Variants in RTEL1 observed in about 807,000 individuals in gnomAD.
RTEL1 encodes regulator of telomere elongation helicase 1.
Under a neutral mutation model 162.2 loss-of-function variants are expected in RTEL1, and 86 were observed. The ratio of observed to expected loss-of-function variants is 0.53; its 90% CI spans 0.45 to 0.63. The LOEUF (loss-of-function observed/expected upper bound fraction) is 0.63, where lower values mean the gene tolerates loss of function less well. Among genes scored for constraint, RTEL1 ranks in the 30% least tolerant of loss-of-function variants. The pLI is 0.00. For missense variants in RTEL1, 1,941 were observed against 1,750.2 expected, an observed-to-expected ratio of 1.11 and a Z score of -1.95; for synonymous variants, 958 against 717.9, an observed-to-expected ratio of 1.33 and a Z score of -5.35.
Position 63,685,539 on chromosome 20 carries a change from A to T in RTEL1, c.1208A>T (p.Asp403Val), listed in dbSNP as rs754847788. The T allele has an allele frequency of 1.2e-6, 2 of 1,611,856 alleles. No homozygotes were observed. Among genetic ancestry groups the T allele is most frequent in the East Asian group, 4.5e-5 (2 of 44,830 alleles). Residue 403 changes from aspartate to valine, a missense_variant, in exon 15 of 35, where the codon GAC (aspartate) becomes GTC (valine). Transcript: ENST00000360203. ...GCCTTTCAGATTGTGTTCAGTGTGG[A>T]CCCCTCCGAGGGCAGCCCTGGTTCC... ...ADIIQIVFSVDPSEGSPGSPA... is the reference protein window; with the variant it reads ...ADIIQIVFSVVPSEGSPGSPA...
chr20:63,689,681 C>T lies in RTEL1; in HGVS notation c.2025+33C>T, dbSNP rs754014049. The T allele has an allele frequency of 5.5e-5, 88 of 1,604,826 alleles. 1 individual carries two copies. In the East Asian group the frequency reaches 1.1e-3, roughly 20 times the overall value. On this transcript the variant is annotated intron_variant, in intron 23 of 34. Coordinates refer to ENST00000360203, the MANE Select transcript of RTEL1 (RefSeq NM_001283009.2). ...ACAGCAGGGTGGGGCTGGGGTAAGG[C>T]GGTCTGGTGACTGAGCCCCCGCCCC...
rs765790038 is a variant in RTEL1 at position 63,662,855 on chromosome 20, A to G, written c.504A>G (p.Ala168=). The G allele has an allele frequency of 6.2e-7, 1 of 1,613,970 alleles. No individual in the cohort carries two copies. Among genetic ancestry groups the G allele is most frequent in the Non-Finnish European group, 8.5e-7 (1 of 1,180,034 alleles). ...TCCACTTGTGCCGTAAGAAGGTGGC[A>G]AGTCGCTCCTGTCATTTCTACAACA... ...LQIHLCRKKV[A]SRSCHFYNNV... The change falls in exon 6 of 35, where the codon GCA becomes GCG. Residue 168 remains alanine, a synonymous_variant. Coordinates refer to ENST00000360203, the MANE Select transcript of RTEL1 (RefSeq NM_001283009.2).
chr20:63,694,520 G>A (rs376095003), intron 31 of RTEL1, 32 bp downstream of exon 31: 479 of 1,518,390 alleles, frequency 3.2e-4, no homozygotes, highest in Non-Finnish European at 3.6e-4. Flanking sequence ...TGCAGCCTAC[G>A]ACTTGGTGGG....
At chr20:63,672,702 G>A (rs1263021456) in intron 9 of RTEL1, 81 bp downstream of exon 9, 21 of 1,230,366 alleles carry the variant, frequency 1.7e-5, no homozygotes, top group Non-Finnish European at 2.5e-5. Flanking sequence ...TTCTGGAGGG[G>A]CTCTGGCCAA....
chr20:63,695,359 C>G lies in RTEL1; in HGVS notation c.3531C>G (p.Thr1177=). Reference sequence around the variant, plus strand: ...CACGGTCCGAGAAGACCGGGAAGACCCAGAGCAAGATCTCGTCCTTCCTTA... The same window carrying G: ...CACGGTCCGAGAAGACCGGGAAGACGCAGAGCAAGATCTCGTCCTTCCTTA... ...GPSRSEKTGK[T]QSKISSFLRQ... Residue 1177 remains threonine (T), a synonymous_variant, in exon 34 of 35, where the codon ACC becomes ACG. Transcript: ENST00000360203. The G allele has an allele frequency of 1.3e-6, 2 of 1,549,682 alleles. No individual in the cohort carries two copies. Among genetic ancestry groups the G allele is most frequent in the Non-Finnish European group, 1.7e-6 (2 of 1,147,912 alleles).
chr20:63,673,124 T>C (rs1265124488), intron 9 of RTEL1, among the ~76,000 whole-genome samples: 1 of 151,130 alleles, frequency 6.6e-6, no homozygotes. Context: ...CTGGGCGCGC[T>C]AGCTCATGCC....
rs1165873701 is a variant in RTEL1 at position 63,683,774 on chromosome 20, AACGGTCGTC to A, written c.1192-1745_1192-1737del. ...GGCCGTTTTTGGCTCGTTTTCCAGG[AACGGTCGTC>A]ACGCGCTCCTCTCCTAGTGCAGGCA... is the stretch of plus-strand genomic sequence containing the variant. On this transcript the variant is annotated intron_variant, in intron 14 of 34. Transcript: ENST00000360203. 2.6e-5 allele frequency among the ~76,000 whole-genome samples: 4 copies of A among 152,164 alleles called. No homozygotes were observed. In the South Asian group the frequency reaches 8.3e-4, roughly 32 times the overall value.
In RTEL1 at chr20:63,693,298, AG is replaced by A. The variant is rs2090812191; in HGVS notation, c.2992+17del. The A allele has an allele frequency of 1.2e-6, 2 of 1,611,080 alleles. No homozygotes were observed. Among genetic ancestry groups the A allele is most frequent in the Non-Finnish European group, 1.7e-6 (2 of 1,179,156 alleles). ...GGACCCCACTGGTAAATGGGGCCCC[AG>A]GTGGGACCCTCAGACTCCTGCGTGG... On this transcript the variant is annotated intron_variant, in intron 30 of 34. Coordinates refer to ENST00000360203, the MANE Select transcript of RTEL1 (RefSeq NM_001283009.2).
intron 26 of RTEL1, 62 bp downstream of exon 26, chr20:63,690,503 G>GGGGGGGGGGGGGGGGGGGGGGGGGGC: frequency 8.8e-6 from 9 of 1,028,406 alleles, no homozygotes; most frequent in East Asian, 7.8e-5. Context: ...CGTGGGGCGG[G>GGGGGGGGGGGGGGGGGGGGGGGGGGC]CAGCACCAGG....
At chr20:63,663,974 G>T (rs1171040003) in intron 6 of RTEL1, among the ~76,000 whole-genome samples, 1 of 152,206 alleles carries the variant, frequency 6.6e-6, no homozygotes, top group Non-Finnish European at 1.5e-5. Context: ...CCTGCAGGGA[G>T]GCTCCCGCTT....
Position 63,690,076 on chromosome 20 carries a change from C to T in RTEL1, c.2142-11C>T. ...TGTGGGCAGGGCAGCAGGGCTATGG[C>T]CACCCCCCAGGTTCGCCTTTGCCGA... On this transcript the variant is annotated splice_polypyrimidine_tract_variant and intron_variant, in intron 24 of 34. Coordinates refer to ENST00000360203, the MANE Select transcript of RTEL1 (RefSeq NM_001283009.2). The T allele has an allele frequency of 6.2e-7, 1 of 1,609,104 alleles. No homozygotes were observed.
chr20:63,690,725 C>T lies in RTEL1; in HGVS notation c.2414-80C>T, dbSNP rs567379868. The T allele has an allele frequency of 6.1e-6, 9 of 1,473,394 alleles. No individual in the cohort carries two copies. The East Asian group carries it at 2.2e-4, about 36-fold the overall frequency. The allele number at this position is 1,473,394 out of a possible 1,614,324, so 91.3% of individuals were successfully genotyped here. On this transcript the variant is annotated intron_variant, in intron 26 of 34. Coordinates refer to ENST00000360203, the MANE Select transcript of RTEL1 (RefSeq NM_001283009.2). The stretch of plus-strand genomic sequence containing the variant: ...GGACCCCAAGTGCTGGGACTCTCCC[C>T]CAAGAGGGGCTTTGCCACAGGCAGG...
At chr20:63,673,917 A>G in intron 9 of RTEL1, 23 bp from the exon 10 acceptor site, 2 of 1,597,812 alleles carry the variant, frequency 1.3e-6, no homozygotes, top group Non-Finnish European at 1.7e-6. Context: ...TTCTGTGGTG[A>G]TTCGGGTGTG....
chr20:63,696,005 GTT>G lies in RTEL1; in HGVS notation c.*148_*149del. ...AGGCCTCAGGCAGGCGGGGCCCATG[GTT>G]GGTCCCTGCGGTGGGACCGGATCTG... On this transcript the variant is annotated 3_prime_UTR_variant, in exon 35 of 35. Transcript: ENST00000360203. The G allele has an allele frequency of 1.3e-6, 1 of 771,542 alleles. No homozygotes were observed. The highest frequency in any genetic ancestry group is 2.1e-6 in the Non-Finnish European group (1 of 487,354). The allele number at this position is 771,542 out of a possible 1,614,324, so 47.8% of individuals were successfully genotyped here.
intron 10 of RTEL1, among the ~76,000 whole-genome samples, chr20:63,676,897 T>C (rs1185140559): frequency 4.9e-5 from 6 of 122,720 alleles, no homozygotes; most frequent in African/African-American, 2.0e-4. Flanking sequence ...ATCGCACCAT[T>C]GCACTCCAGC....
At chr20:63,667,621 G>C in intron 8 of RTEL1, 68 bp downstream of exon 8, 1 of 1,299,082 alleles carries the variant, frequency 7.7e-7, no homozygotes, top group Non-Finnish European at 1.1e-6. Flanking sequence ...GGGAACAGCT[G>C]TCCGAGCCTT....
chr20:63,662,436 T>G (rs972042181), intron 4 of RTEL1, 110 bp from the exon 5 acceptor site: 1 of 1,563,062 alleles, frequency 6.4e-7, no homozygotes, highest in Non-Finnish European at 8.7e-7. Flanking sequence ...TATGCTCACT[T>G]CCTCTGACCG....
intron 10 of RTEL1, among the ~76,000 whole-genome samples, chr20:63,675,181 A>G (rs1006180399): frequency 6.6e-6 from 1 of 152,244 alleles, no homozygotes; most frequent in East Asian, 1.9e-4. Flanking sequence ...CTGGGATTAC[A>G]GGCGTGAGCC....
chr20:63,671,118 T>A (rs183727585), intron 8 of RTEL1, among the ~76,000 whole-genome samples: 29 of 152,336 alleles, frequency 1.9e-4, no homozygotes, highest in Admixed American at 1.3e-3. Context: ...TGGAGTGCAG[T>A]GGTGTGGTCT....
Sources: allele counts gnomAD v4.1 joint callset (sites outside exome capture counted in the v4.1 genomes callset), GRCh38; gene constraint gnomAD v4.1.1; transcripts MANE v1.5; gene names NCBI Gene and HGNC (gene_info 2026-07-23, HGNC 2026-07-21).